B4GALNT3: variants seen among roughly 807,000 people sequenced by gnomAD.
The protein encoded by B4GALNT3 is beta-1,4-N-acetylgalactosaminyltransferase 3.
Under a neutral mutation model 120.2 loss-of-function variants are expected in B4GALNT3, and 86 were observed. The observed-to-expected ratio is 0.72, with a 90% CI of 0.60 to 0.86. The LOEUF is 0.86. Among genes scored for constraint, B4GALNT3 ranks in the 40% least tolerant of loss-of-function variants. The pLI is 0.00. For synonymous variants in B4GALNT3, 518 were observed against 510.4 expected (o/e 1.01, Z -0.20); for missense variants, 1,167 against 1,298.9 (o/e 0.90, Z 1.56).
At chr12:511,482 T>TC (rs1555154929) in intron 1 of B4GALNT3, among the ~76,000 whole-genome samples, 1 of 66,228 alleles carries the variant, frequency 1.5e-5, no homozygotes, top group African/African-American at 1.0e-4. Context: ...TCTTCCACCT[T>TC]CTTCCACCTT....
chr12:556,408 G>C, intron 14 of B4GALNT3, 139 bp from the exon 15 acceptor site: 1 of 748,384 alleles, frequency 1.3e-6, no homozygotes, highest in Non-Finnish European at 2.2e-6. Context: ...TCTTGCCTGA[G>C]GCCCTATAGC....
At chr12:483,317 G>T (rs1050955019) in intron 1 of B4GALNT3, among the ~76,000 whole-genome samples, 13 of 152,220 alleles carry the variant, frequency 8.5e-5, no homozygotes, top group African/African-American at 3.1e-4. Flanking sequence ...GAGAAAAGTG[G>T]CCTGTGGAGT....
rs991777843 is a variant in B4GALNT3 at position 500,750 on chromosome 12, G to A, written c.170-34416G>A. ...CTGGCTACAGTGTGTCTCTAGGACC[G>A]TGCTTCAAGGCCAGGGCTGGCATCC... On this transcript the variant is annotated intron_variant, in intron 1 of 19. Transcript: ENST00000266383. Among the ~76,000 whole-genome samples, 89 of 151,940 alleles carry A rather than the reference G, an allele frequency of 5.9e-4. 3 individuals carry two copies. The highest frequency in any genetic ancestry group is 6.6e-5 in the Admixed American group (1 of 15,242).
chr12:478,065 C>T (rs1946200650), intron 1 of B4GALNT3, among the ~76,000 whole-genome samples: 1 of 152,002 alleles, frequency 6.6e-6, no homozygotes, highest in Non-Finnish European at 1.5e-5. Context: ...GCCTGGGCAA[C>T]ATGGCAAGAC....
chr12:460,510 C>A lies in B4GALNT3; in HGVS notation c.134C>A (p.Ala45Glu). ...TGGACTCTGTATCTGGAACTGGTGG[C>A]GTCGGCCCAGGTCGGCGGGAACCCC... ...GLWTLYLELVASAQVGGNPLN... is the reference protein window; with the variant it reads ...GLWTLYLELVESAQVGGNPLN... Residue 45 changes from alanine to glutamate, a missense_variant, in exon 1 of 20, where the codon GCG becomes GAG. Physicochemically the swap from Ala to Glu is moderately radical, Grantham distance 107. Coordinates refer to ENST00000266383, the MANE Select transcript of B4GALNT3 (RefSeq NM_173593.4). This position sits in a 1 kb window ranked among gnomAD's most constrained non-coding sequence, Gnocchi z 8.0. 6.3e-7 allele frequency: 1 copy of A among 1,574,998 alleles called. No homozygotes were observed. The highest frequency in any genetic ancestry group is 1.2e-5 in the South Asian group (1 of 86,168).
At chr12:556,103 C>A (rs1444832088) in intron 14 of B4GALNT3, among the ~76,000 whole-genome samples, 3 of 152,128 alleles carry the variant, frequency 2.0e-5, no homozygotes, top group Admixed American at 6.5e-5. Context: ...TTTTAAATAG[C>A]CATCCTGGTG....
In B4GALNT3 at chr12:460,018, G is replaced by A. The variant is rs922056613; in HGVS notation, c.-359G>A. Reference sequence around the variant, plus strand: ...GGCGCGGGCGGAGGCAGGCGGGCGGGCGCCGGGGAAGCCTCCTTCTGGGCA... The same window carrying A: ...GGCGCGGGCGGAGGCAGGCGGGCGGACGCCGGGGAAGCCTCCTTCTGGGCA... On this transcript the variant is annotated 5_prime_UTR_variant, in exon 1 of 20. Coordinates refer to ENST00000266383, the MANE Select transcript of B4GALNT3 (RefSeq NM_173593.4). This position sits in a 1 kb window ranked among gnomAD's most constrained non-coding sequence, Gnocchi z 8.0. Among the ~76,000 whole-genome samples, 1 of 151,074 alleles carries A rather than the reference G, an allele frequency of 6.6e-6. No homozygotes were observed. Among genetic ancestry groups the A allele is most frequent in the Admixed American group, 6.6e-5 (1 of 15,184 alleles).
Position 536,298 on chromosome 12 carries a change from G to A in B4GALNT3, c.351+3G>A. The A allele has an allele frequency of 6.2e-7, 1 of 1,608,510 alleles. No individual in the cohort carries two copies. The highest frequency in any genetic ancestry group is 8.5e-7 in the Non-Finnish European group (1 of 1,174,846). The stretch of plus-strand genomic sequence containing the variant: ...AGCCTGTCCCCTGGCTCTCAGAGGT[G>A]AGGGACTTTCTATTGTACCTGCCCT... On this transcript the variant is annotated splice_donor_region_variant and intron_variant, in intron 3 of 19. Transcript: ENST00000266383.
In B4GALNT3 at chr12:474,931, G is replaced by T. The variant is rs1329675631; in HGVS notation, c.169+14386G>T. 9.0e-5 allele frequency among the ~76,000 whole-genome samples: 13 copies of T among 143,702 alleles called. No homozygotes were observed. The East Asian group carries it at 2.5e-3, about 28-fold the overall frequency. 94.3% of individuals were successfully genotyped at this position (143,702 alleles called of 152,430 possible). On this transcript the variant is annotated intron_variant, in intron 1 of 19. Coordinates refer to ENST00000266383, the MANE Select transcript of B4GALNT3 (RefSeq NM_173593.4). ...CCACTGCACTCCAGCCTGGGTGACA[G>T]AGGGAGACCTTGTCTCAAAAAAAAA...
intron 1 of B4GALNT3, among the ~76,000 whole-genome samples, chr12:499,468 A>G (rs1414702306): frequency 7.0e-6 from 1 of 142,896 alleles, no homozygotes; most frequent in Non-Finnish European, 1.5e-5. Flanking sequence ...CCGTGCTCTC[A>G]CTATCTAGAA....
At chr12:544,823 G>A in intron 4 of B4GALNT3, 59 bp from the exon 5 acceptor site, 1 of 1,554,410 alleles carries the variant, frequency 6.4e-7, no homozygotes, top group Non-Finnish European at 8.9e-7. Flanking sequence ...GCCAATCCTG[G>A]CGGGAAGTTT....
intron 1 of B4GALNT3, among the ~76,000 whole-genome samples, chr12:484,974 A>G (rs868227705): frequency 6.6e-6 from 1 of 152,144 alleles, no homozygotes; most frequent in African/African-American, 2.4e-5. Context: ...ACGCTGTCCA[A>G]CTGGTATTCC....
chr12:529,078 C>T (rs1003870608), intron 1 of B4GALNT3, among the ~76,000 whole-genome samples: 5 of 152,162 alleles, frequency 3.3e-5, no homozygotes, highest in East Asian at 1.9e-4. Context: ...CCTTCTCCCT[C>T]GCTTTCCTAG....
In B4GALNT3 at chr12:553,276, G is replaced by A. The variant is rs191384929; in HGVS notation, c.1353G>A (p.Arg451=). ...ETPASNNQNA[R]MLEGRQTPAS... ...CTGCCTCCAACAACCAGAATGCCAG[G>A]ATGCTTGAGGGAAGACAGACACCTG... Residue 451 remains arginine (R), a synonymous_variant, in exon 14 of 20, where the codon AGG becomes AGA. Transcript: ENST00000266383. The A allele has an allele frequency of 2.8e-5, 45 of 1,613,598 alleles. No individual in the cohort carries two copies. Among genetic ancestry groups the A allele is most frequent in the Middle Eastern group, 3.3e-4 (2 of 6,062 alleles).
At chr12:472,833 T>C (rs1364949497) in intron 1 of B4GALNT3, among the ~76,000 whole-genome samples, 2 of 152,216 alleles carry the variant, frequency 1.3e-5, no homozygotes, top group African/African-American at 4.8e-5. Flanking sequence ...TATTTTTGCG[T>C]CTATCTCCAA....
At chr12:505,514 G>C (rs1452204432) in intron 1 of B4GALNT3, among the ~76,000 whole-genome samples, 4 of 152,194 alleles carry the variant, frequency 2.6e-5, no homozygotes, top group African/African-American at 4.8e-5. Context: ...GAATTGCTTT[G>C]GAGAAACCTG....
intron 1 of B4GALNT3, among the ~76,000 whole-genome samples, chr12:518,301 G>C (rs759322430): frequency 1.3e-5 from 2 of 152,112 alleles, no homozygotes; most frequent in African/African-American, 4.8e-5. Context: ...GTTGTCTCTT[G>C]GTATCCACGA....
At chr12:544,299 G>T in intron 3 of B4GALNT3, 40 bp from the exon 4 acceptor site, 3 of 1,592,980 alleles carry the variant, frequency 1.9e-6, no homozygotes, top group Non-Finnish European at 1.7e-6. Flanking sequence ...CGGGCATGGG[G>T]TGCTCACGCT....
In B4GALNT3 at chr12:507,209, C is replaced by T. The variant is rs187974472; in HGVS notation, c.170-27957C>T. 3.9e-3 allele frequency among the ~76,000 whole-genome samples: 597 copies of T among 152,302 alleles called. 2 individuals are homozygous for T. Among genetic ancestry groups the T allele is most frequent in the African/African-American group, 0.014 (567 of 41,568 alleles). The stretch of plus-strand genomic sequence containing the variant: ...TGGGTCTCCCTAAGTTCCTACTGGC[C>T]ATGACAGATTTAAGCGTTTTTTTGA... On this transcript the variant is annotated intron_variant, in intron 1 of 19. Transcript: ENST00000266383.
Sources: allele counts gnomAD v4.1 joint callset (sites outside exome capture counted in the v4.1 genomes callset), GRCh38; gene constraint gnomAD v4.1.1; non-coding constraint Gnocchi (gnomAD v3.1); transcripts MANE v1.5; gene names NCBI Gene and HGNC (gene_info 2026-07-23, HGNC 2026-07-21).